AFF2: variants seen among roughly 807,000 people sequenced by gnomAD.
AFF2 encodes the protein AF4/FMR2 family member 2.
A neutral mutation model predicts 76.9 loss-of-function variants in AFF2; 14 were observed. The observed-to-expected ratio is 0.18, with a 90% CI of 0.12 to 0.28. The LOEUF (loss-of-function observed/expected upper bound fraction) is 0.28. Among genes scored for constraint, AFF2 ranks in the 10% least tolerant of loss-of-function variants. AFF2 has a pLI of 1.00. For synonymous variants in AFF2, 398 were observed against 366.7 expected (o/e 1.09, Z -0.98); for missense variants, 868 against 1,001.1 (o/e 0.87, Z 1.79).
In AFF2 at chrX:148,956,614, GTAAGCTGTC is replaced by G. The variant is rs781810959; in HGVS notation, c.2568+5_2568+13del. The G allele has an allele frequency of 8.3e-6, 10 of 1,203,458 alleles. No individual in the cohort carries two copies. Among genetic ancestry groups the G allele is most frequent in the Non-Finnish European group, 1.1e-5 (10 of 891,822 alleles). ...CCCTAAGGGCAAACGTAAGCACAAG[GTAAGCTGTC>G]TAAAGTGGCCTGCCAAGTGCTTGTG... On this transcript the variant is annotated splice_donor_variant and splice_donor_5th_base_variant and intron_variant, in intron 11 of 20. Coordinates refer to ENST00000370460, the MANE Select transcript of AFF2 (RefSeq NM_002025.4). LOFTEE classifies it high-confidence loss of function.
At chrX:148,750,268 C>T (rs781876019) in intron 3 of AFF2, among the ~76,000 whole-genome samples, 4 of 110,969 alleles carry the variant, frequency 3.6e-5, no homozygotes, top group Non-Finnish European at 5.7e-5. Flanking sequence ...TGCGCCCAGC[C>T]GCCTGCACCC....
intron 7 of AFF2, among the ~76,000 whole-genome samples, chrX:148,856,766 T>C (rs903349562): frequency 8.9e-6 from 1 of 112,821 alleles, no homozygotes; most frequent in Non-Finnish European, 1.9e-5. Context: ...TTTTGAAATA[T>C]ATAACAAGCA....
chrX:148,678,939 A>G (rs1352409186), intron 3 of AFF2, among the ~76,000 whole-genome samples: 1 of 111,327 alleles, frequency 9.0e-6, no homozygotes, highest in African/African-American at 3.3e-5. Context: ...CACAAAAAAC[A>G]AAAAAGTATT....
chrX:148,877,543 T>C (rs1251583944), intron 7 of AFF2, among the ~76,000 whole-genome samples: 1 of 112,755 alleles, frequency 8.9e-6, no homozygotes, highest in Non-Finnish European at 1.9e-5. Flanking sequence ...CAGTCCTGAA[T>C]GTTTTGCTAA....
At chrX:148,853,584 C>T (rs2070755511) in intron 7 of AFF2, among the ~76,000 whole-genome samples, 1 of 111,928 alleles carries the variant, frequency 8.9e-6, no homozygotes, top group Non-Finnish European at 1.9e-5. Flanking sequence ...AAGTCATGCC[C>T]AGGTGACCTA....
chrX:148,872,394 G>T (rs1569556444), intron 7 of AFF2, among the ~76,000 whole-genome samples: 1 of 111,592 alleles, frequency 9.0e-6, no homozygotes, highest in South Asian at 3.8e-4. Flanking sequence ...TTGGTGACTG[G>T]TTTATTGCAC....
chrX:148,565,443 A>C (rs1406321297), intron 1 of AFF2, among the ~76,000 whole-genome samples: 1 of 111,739 alleles, frequency 8.9e-6, no homozygotes, highest in African/African-American at 3.3e-5. Flanking sequence ...GAAAAATTTT[A>C]AGGTCATTAG....
intron 16 of AFF2, among the ~76,000 whole-genome samples, chrX:148,976,333 G>A (rs983380446): frequency 1.8e-5 from 2 of 112,160 alleles, no homozygotes; most frequent in South Asian, 7.5e-4. Flanking sequence ...GAAACACTCC[G>A]AAGACTTCAT....
At chrX:148,961,696 T>G (rs1010335423) in intron 12 of AFF2, among the ~76,000 whole-genome samples, 3 of 112,507 alleles carry the variant, frequency 2.7e-5, no homozygotes, top group Non-Finnish European at 5.6e-5. Context: ...TTTGAGATAT[T>G]GTAAATCTAT....
intron 2 of AFF2, among the ~76,000 whole-genome samples, chrX:148,655,324 G>A (rs1285158070): frequency 4.0e-5 from 4 of 98,927 alleles, no homozygotes; most frequent in Admixed American, 1.2e-4. Context: ...TCGCTCTATC[G>A]CCCAGTCTAG....
chrX:148,842,032 G>A (rs1307362232), intron 5 of AFF2, among the ~76,000 whole-genome samples: 4 of 112,285 alleles, frequency 3.6e-5, no homozygotes, highest in Non-Finnish European at 7.5e-5. Context: ...AATGCTGTGA[G>A]CCTAGTTTTC....
intron 4 of AFF2, among the ~76,000 whole-genome samples, chrX:148,814,229 C>T (rs183692002): frequency 7.0e-4 from 78 of 111,590 alleles, no homozygotes; most frequent in African/African-American, 2.4e-3. Flanking sequence ...CTGAGCTCTA[C>T]GGGGTTTTAT....
chrX:148,983,258 C>T (rs1398525788), intron 19 of AFF2, among the ~76,000 whole-genome samples: 2 of 111,933 alleles, frequency 1.8e-5, no homozygotes, highest in African/African-American at 6.5e-5. Context: ...GATGGCAGGA[C>T]TTTGAGGTGA....
At chrX:148,584,979 T>C (rs1184858786) in intron 1 of AFF2, among the ~76,000 whole-genome samples, 1 of 111,474 alleles carries the variant, frequency 9.0e-6, no homozygotes, top group African/African-American at 3.3e-5. Flanking sequence ...AAAAAGAAAA[T>C]TAAATCTTTC....
At position 148,516,441 on chromosome X, in the gene AFF2, C is replaced by T. The variant is rs781908490; in HGVS notation, c.47+15297C>T. ...ATCAAAAGGCTAACAGGAACGTTTCCAGGAGGAATCAAATAACTAATGTTG... is the reference window on the plus strand; with the variant it reads ...ATCAAAAGGCTAACAGGAACGTTTCTAGGAGGAATCAAATAACTAATGTTG... On this transcript the variant is annotated intron_variant, in intron 1 of 20. Transcript: ENST00000370460. Among the ~76,000 whole-genome samples, 22 of 111,521 alleles carry T rather than the reference C, an allele frequency of 2.0e-4. No individual in the cohort carries two copies. In the Admixed American group the frequency reaches 2.1e-3, roughly 11 times the overall value.
Position 148,956,314 on chromosome X carries a change from A to G in AFF2, c.2269A>G (p.Ser757Gly). 1 of 1,211,963 alleles carries G rather than the reference A, an allele frequency of 8.3e-7. No individual in the cohort carries two copies. The highest frequency in any genetic ancestry group is 1.1e-6 in the Non-Finnish European group (1 of 895,542). Residue 757 changes from serine to glycine, a missense_variant, in exon 11 of 21, where the codon AGC becomes GGC. Transcript: ENST00000370460. ...AATCTGTGGTGCCAGCCTGACCCTCAGCACCTTAATGAGTAGCAGTGGCAG... is the reference window on the plus strand; with the variant it reads ...AATCTGTGGTGCCAGCCTGACCCTCGGCACCTTAATGAGTAGCAGTGGCAG... The part of the protein sequence containing the change: ...KEICGASLTL[S>G]TLMSSSGSNN...
At chrX:148,731,372 C>A (rs1490615623) in intron 3 of AFF2, among the ~76,000 whole-genome samples, 1 of 111,955 alleles carries the variant, frequency 8.9e-6, no homozygotes, top group East Asian at 2.8e-4. Flanking sequence ...TATCTGACTA[C>A]AGGTTCACTT....
intron 3 of AFF2, among the ~76,000 whole-genome samples, chrX:148,763,376 C>G (rs1275735343): frequency 6.3e-5 from 7 of 111,508 alleles, no homozygotes; most frequent in Non-Finnish European, 1.1e-4. Flanking sequence ...ATCCTAGAAC[C>G]AGTATTAGTT....
chrX:148,966,008 C>G (rs782759383), intron 13 of AFF2, among the ~76,000 whole-genome samples: 1 of 111,464 alleles, frequency 9.0e-6, no homozygotes, highest in South Asian at 3.9e-4. Flanking sequence ...TGATGCCACA[C>G]TGTCACATAA....
Sources: allele counts gnomAD v4.1 joint callset (sites outside exome capture counted in the v4.1 genomes callset), GRCh38; gene constraint gnomAD v4.1.1; transcripts MANE v1.5; gene names NCBI Gene and HGNC (gene_info 2026-07-23, HGNC 2026-07-21).